The following BLTP1 variants were observed in gnomAD, a reference collection of about 807,000 sequenced individuals.
BLTP1 encodes fragile site-associated protein.
chr4:122,341,909 G>A, the BLTP1 span: 3 of 671,178 alleles, frequency 4.5e-6, no homozygotes, highest in South Asian at 2.0e-4. Context: ...ACACTCCCAG[G>A]AGAGAATACA....
chr4:122,216,453 C>T, the BLTP1 span, among the ~76,000 whole-genome samples: 18 of 152,094 alleles, frequency 1.2e-4, no homozygotes, highest in African/African-American at 4.3e-4. Flanking sequence ...AAATTATGGC[C>T]ATTCTTGCAG....
At chr4:122,196,884 T>A in the BLTP1 span, 1 of 586,128 alleles carries the variant, frequency 1.7e-6, no homozygotes, top group Non-Finnish European at 2.7e-6. Context: ...CATACTTGGA[T>A]TAATTTATAT....
At chr4:122,333,896 A>T in the BLTP1 span, 2 of 1,461,816 alleles carry the variant, frequency 1.4e-6, no homozygotes, top group Non-Finnish European at 1.8e-6. Flanking sequence ...TTTTCTCATT[A>T]TATTAAAATG....
the BLTP1 span, chr4:122,306,187 A>C: frequency 1.3e-6 from 1 of 795,062 alleles, no homozygotes. Flanking sequence ...CAAAAAAAAA[A>C]TCTTGCTTTT....
chr4:122,238,049 T>C, the BLTP1 span: 5 of 1,591,952 alleles, frequency 3.1e-6, no homozygotes, highest in Non-Finnish European at 3.4e-6. Flanking sequence ...TAAACTGCTG[T>C]TGAGATTTGT....
chr4:122,166,943 C>T, the BLTP1 span, among the ~76,000 whole-genome samples: 1 of 152,222 alleles, frequency 6.6e-6, no homozygotes. Flanking sequence ...CTTCTGTGTC[C>T]TTTTGACATG....
the BLTP1 span, chr4:122,310,954 AT>A: frequency 1.1e-6 from 1 of 877,058 alleles, no homozygotes; most frequent in Non-Finnish European, 1.4e-6. Flanking sequence ...TAGATTTATT[AT>A]TTTACACAAT....
the BLTP1 span, chr4:122,187,492 A>G: frequency 2.5e-6 from 4 of 1,612,256 alleles, no homozygotes; most frequent in Non-Finnish European, 3.4e-6. Flanking sequence ...TATTCCAGTC[A>G]TAAAGGTCAA....
At chr4:122,272,227 G>T in the BLTP1 span, 1 of 1,613,328 alleles carries the variant, frequency 6.2e-7, no homozygotes, top group South Asian at 1.1e-5. Context: ...ACAGCAGTTT[G>T]ACTAAGACTC....
the BLTP1 span, chr4:122,229,376 T>G: frequency 3.2e-6 from 2 of 627,602 alleles, no homozygotes; most frequent in South Asian, 6.1e-5. Context: ...ACTTTCTAAT[T>G]TTTACTAATC....
At chr4:122,200,926 C>G in the BLTP1 span, 2 of 1,519,382 alleles carry the variant, frequency 1.3e-6, no homozygotes, top group Non-Finnish European at 1.8e-6. Flanking sequence ...TACTCACTAG[C>G]GTGTGTAACT....
At chr4:122,308,069 A>C in the BLTP1 span, 2 of 1,613,578 alleles carry the variant, frequency 1.2e-6, no homozygotes, top group Non-Finnish European at 1.7e-6. Flanking sequence ...CCTGGTATCC[A>C]GCAAACATCA....
chr4:122,204,388 C>G, the BLTP1 span: 1 of 869,236 alleles, frequency 1.2e-6, no homozygotes, highest in Non-Finnish European at 1.4e-6. Context: ...ATTTACAAAG[C>G]ATGTTCACTT....
At chr4:122,219,321 GT>G in the BLTP1 span, 3 of 1,606,266 alleles carry the variant, frequency 1.9e-6, no homozygotes, top group Non-Finnish European at 2.6e-6. Context: ...AGCAATTTGT[GT>G]TTTCTTAATA....
At chr4:122,326,984 T>G in the BLTP1 span, among the ~76,000 whole-genome samples, 1 of 151,786 alleles carries the variant, frequency 6.6e-6, no homozygotes, top group African/African-American at 2.4e-5. Flanking sequence ...TCCAGTAGTT[T>G]TAATAACAAA....
the BLTP1 span, chr4:122,190,258 G>C: frequency 1.7e-6 from 1 of 572,062 alleles, no homozygotes; most frequent in Non-Finnish European, 2.2e-6. Flanking sequence ...CACTATGCCT[G>C]ACTAATTTTT....
At chr4:122,156,870 A>T in the BLTP1 span, among the ~76,000 whole-genome samples, 1 of 152,192 alleles carries the variant, frequency 6.6e-6, no homozygotes, top group African/African-American at 2.4e-5. Context: ...GTAGACTTCT[A>T]CTGAGACAGG....
At chr4:122,255,751 T>C in the BLTP1 span, among the ~76,000 whole-genome samples, 1 of 152,188 alleles carries the variant, frequency 6.6e-6, no homozygotes, top group Non-Finnish European at 1.5e-5. Flanking sequence ...GCTGTAGACA[T>C]GGATGAGATT....
chr4:122,341,857 GAAGT>G, the BLTP1 span: 9 of 981,326 alleles, frequency 9.2e-6, no homozygotes, highest in South Asian at 4.7e-5. Flanking sequence ...ATGGAAACGT[GAAGT>G]AAGTATGGGT....
Sources: allele counts gnomAD v4.1 joint callset (sites outside exome capture counted in the v4.1 genomes callset), GRCh38; gene constraint gnomAD v4.1.1; transcripts MANE v1.5; gene names NCBI Gene and HGNC (gene_info 2026-07-23, HGNC 2026-07-21).